Variants in EYS observed in about 807,000 individuals in gnomAD.
EYS encodes the protein protein eyes shut homolog.
In EYS, 250 loss-of-function variants were observed where a neutral mutation model predicts 282.1. The ratio of observed to expected loss-of-function variants is 0.89; its 90% CI spans 0.80 to 0.98. The LOEUF is 0.98. Ranked by LOEUF, EYS falls within the 50% of genes least tolerant of loss-of-function variation. EYS has a pLI of 0.00. For missense variants in EYS, 4,016 were observed against 3,709.0 expected (o/e 1.08, Z -2.15); for synonymous variants, 1,355 against 1,282.9 (o/e 1.06, Z -1.20).
intron 30 of EYS, among the ~76,000 whole-genome samples, chr6:64,263,879 A>C (rs76258619): frequency 0.041 from 6,211 of 152,224 alleles, 310 homozygotes; most frequent in African/African-American, 0.12. Context: ...TCAATAAAAG[A>C]ACAAGATAAA....
chr6:64,557,753 A>G (rs542207573), intron 26 of EYS, among the ~76,000 whole-genome samples: 1 of 152,206 alleles, frequency 6.6e-6, no homozygotes, highest in South Asian at 2.1e-4. Flanking sequence ...TCAGCAAACA[A>G]TGGCCTATGG....
intron 12 of EYS, among the ~76,000 whole-genome samples, chr6:65,149,544 C>T (rs1764561837): frequency 6.6e-6 from 1 of 152,108 alleles, no homozygotes; most frequent in Admixed American, 6.5e-5. Flanking sequence ...CTGTTCCAAA[C>T]TCTACCTGTT....
At chr6:65,637,562 C>G (rs1321867568) in intron 2 of EYS, among the ~76,000 whole-genome samples, 1 of 152,208 alleles carries the variant, frequency 6.6e-6, no homozygotes, top group Non-Finnish European at 1.5e-5. Flanking sequence ...TGGCGCTGGA[C>G]TCTAGCATCA....
At chr6:64,863,262 A>G (rs1222240788) in intron 19 of EYS, among the ~76,000 whole-genome samples, 1 of 152,164 alleles carries the variant, frequency 6.6e-6, no homozygotes, top group Non-Finnish European at 1.5e-5. Context: ...TATTTTCATT[A>G]TCAAGAAATT....
intron 8 of EYS, among the ~76,000 whole-genome samples, chr6:65,368,934 G>A (rs559041062): frequency 9.9e-5 from 15 of 151,438 alleles, no homozygotes; most frequent in African/African-American, 2.2e-4. Context: ...GATCATGATC[G>A]TATGGTATTA....
rs70999122 is a variant in EYS at position 63,727,737 on chromosome 6, A to AATATATATATATATAT, written c.8072-1058_8072-1057insATATATATATATATAT. ...AAAAAAAAAAAAAAAAAAAAAAAAA[A>AATATATATATATATAT]ATATATATATATATGTTAGCTGGGC... On this transcript the variant is annotated intron_variant, in intron 41 of 42. Transcript: ENST00000503581. 6.4e-3 allele frequency among the ~76,000 whole-genome samples: 233 copies of AATATATATATATATAT among 36,672 alleles called. 20 individuals are homozygous for AATATATATATATATAT. The highest frequency in any genetic ancestry group is 0.019 in the African/African-American group (71 of 3,748). 24.1% of individuals were successfully genotyped at this position (36,672 alleles called of 152,430 possible). A position where few individuals can be genotyped will look rare whatever the true frequency, so the allele number is the denominator to read the frequency against.
rs1183851947 is a variant in EYS at position 64,591,877 on chromosome 6, A to G, written c.3990T>C (p.Thr1330=). The G allele has an allele frequency of 1.3e-6, 2 of 1,551,104 alleles. No individual in the cohort carries two copies. The highest frequency in any genetic ancestry group is 1.7e-6 in the Non-Finnish European group (2 of 1,146,574). Residue 1330 remains threonine, a synonymous_variant, in exon 26 of 43, where the codon ACT becomes ACC. Transcript: ENST00000503581. Reference sequence around the variant, plus strand: ...GACTGTGTTTTGCTGAAAGCTCTCTAGTGACAATCAGTTCTTGGAGTAAGT... The same window carrying G: ...GACTGTGTTTTGCTGAAAGCTCTCTGGTGACAATCAGTTCTTGGAGTAAGT... ...ESYLLQELIV[T]RELSAKHSLL... is the part of the protein sequence containing the mutation.
At chr6:64,715,363 T>C (rs994635134) in intron 22 of EYS, among the ~76,000 whole-genome samples, 2 of 152,102 alleles carry the variant, frequency 1.3e-5, no homozygotes, top group Non-Finnish European at 2.9e-5. Flanking sequence ...TTCACAAAGA[T>C]AGCATGATGG....
chr6:64,023,971 G>A (rs528192143), intron 33 of EYS, among the ~76,000 whole-genome samples: 39 of 152,302 alleles, frequency 2.6e-4, no homozygotes, highest in African/African-American at 6.7e-4. Flanking sequence ...CTGCCTTCCC[G>A]CGGGGCAGGG....
At chr6:64,934,407 C>A (rs1254754860) in intron 15 of EYS, among the ~76,000 whole-genome samples, 1 of 151,818 alleles carries the variant, frequency 6.6e-6, no homozygotes, top group Non-Finnish European at 1.5e-5. Flanking sequence ...TCTATACATC[C>A]ATGAACCTCA....
rs1338079734 is a variant in EYS at position 64,977,813 on chromosome 6, G to A, written c.2259+19769C>T. On this transcript the variant is annotated intron_variant, in intron 14 of 42. Transcript: ENST00000503581. ...ATAGAAGATCAAATAAGTCATGATA[G>A]TCCAGTTAGGCGAAACCCAATCTAG... 8.6e-5 allele frequency among the ~76,000 whole-genome samples: 13 copies of A among 151,986 alleles called. No homozygotes were observed. In the East Asian group the frequency reaches 1.9e-3, roughly 23 times the overall value.
At chr6:65,556,688 A>C (rs1243357402) in intron 2 of EYS, among the ~76,000 whole-genome samples, 2 of 152,086 alleles carry the variant, frequency 1.3e-5, no homozygotes, top group Non-Finnish European at 2.9e-5. Flanking sequence ...TTCCACGGGC[A>C]TTATAAATTT....
chr6:64,116,872 T>C (rs1158529444), intron 31 of EYS, among the ~76,000 whole-genome samples: 1 of 152,048 alleles, frequency 6.6e-6, no homozygotes, highest in Non-Finnish European at 1.5e-5. Flanking sequence ...TAAGAAGATA[T>C]GCCAGTTGTA....
chr6:65,700,356 G>A (rs886848253), intron 1 of EYS, among the ~76,000 whole-genome samples: 5 of 151,990 alleles, frequency 3.3e-5, no homozygotes, highest in Admixed American at 1.3e-4. Context: ...TTAGGAAACA[G>A]AGTCTGCAAG....
chr6:64,867,784 A>G (rs1766468759), intron 19 of EYS, among the ~76,000 whole-genome samples: 2 of 151,696 alleles, frequency 1.3e-5, no homozygotes, highest in African/African-American at 4.8e-5. Context: ...AGAAAGCCAT[A>G]CAAAATTAAA....
chr6:64,395,784 T>TA (rs1179045443), intron 28 of EYS, among the ~76,000 whole-genome samples: 2 of 142,872 alleles, frequency 1.4e-5, no homozygotes, highest in Non-Finnish European at 3.0e-5. Flanking sequence ...AAAGTATAAT[T>TA]AAAAAAAAAG....
intron 2 of EYS, among the ~76,000 whole-genome samples, chr6:65,580,552 T>G (rs11963766): frequency 6.6e-6 from 1 of 152,218 alleles, no homozygotes; most frequent in African/African-American, 2.4e-5. Flanking sequence ...TAATCAGTCA[T>G]AGATAAAATA....
In EYS at chr6:64,754,609, T is replaced by C. The variant is rs577284746; in HGVS notation, c.3443+58769A>G. ...TCAATAAAATGCTAGTAAACCAATT[T>C]CAATAGAACATTATAAAGAATACAC... On this transcript the variant is annotated intron_variant, in intron 22 of 42. Coordinates refer to ENST00000503581, the MANE Select transcript of EYS (RefSeq NM_001142800.2). Among the ~76,000 whole-genome samples the C allele has an allele frequency of 2.6e-5, 4 of 152,188 alleles. No individual in the cohort carries two copies. In the East Asian group the frequency reaches 7.7e-4, roughly 29 times the overall value.
At chr6:64,735,537 T>C (rs549910937) in intron 22 of EYS, among the ~76,000 whole-genome samples, 51 of 152,198 alleles carry the variant, frequency 3.4e-4, no homozygotes, top group Non-Finnish European at 6.5e-4. Flanking sequence ...AAAAATTGTA[T>C]AACTTATACT....
Sources: gnomAD v4.1 joint callset for allele counts (sites outside exome capture counted in the v4.1 genomes callset) on GRCh38, gnomAD v4.1.1 for gene constraint, MANE v1.5 for transcripts, NCBI Gene and HGNC (gene_info 2026-07-23, HGNC 2026-07-21) for gene names.